The following CASP5 variants were observed in gnomAD, a reference collection of about 807,000 sequenced individuals.
CASP5 encodes caspase-5.
CASP5 carries 42 observed loss-of-function variants against 45.2 expected under a neutral mutation model. The observed-to-expected ratio is 0.93, with a 90% CI of 0.73 to 1.20. The LOEUF is 1.20. CASP5 is among the 50% of genes most tolerant of loss of function. The probability of loss-of-function intolerance (pLI) is 0.00; values close to 1 mark genes in which losing one functional copy is unlikely to be tolerated. For missense variants in CASP5, 512 were observed against 532.2 expected, an observed-to-expected ratio of 0.96 and a Z score of 0.37; for synonymous variants, 209 against 186.2, an observed-to-expected ratio of 1.12 and a Z score of -1.00.
intron 5 of CASP5, among the ~76,000 whole-genome samples, chr11:105,001,526 C>G (rs1299833335): frequency 6.6e-6 from 1 of 152,128 alleles, no homozygotes; most frequent in African/African-American, 2.4e-5. Context: ...ATTAGCCGGG[C>G]GTGGTGGCAC....
intron 1 of CASP5, among the ~76,000 whole-genome samples, chr11:105,012,085 C>T (rs978956079): frequency 1.3e-5 from 2 of 151,646 alleles, no homozygotes; most frequent in Non-Finnish European, 3.0e-5. Context: ...TAAAAGCAAA[C>T]ACAGAGATCA....
chr11:105,001,691 C>CAGAG (rs1861735236), intron 5 of CASP5, among the ~76,000 whole-genome samples: 8 of 152,154 alleles, frequency 5.3e-5, no homozygotes, highest in Admixed American at 4.6e-4. Context: ...GAGTGCCCTC[C>CAGAG]TGCCTAAAAC....
chr11:104,998,045 A>G (rs1306324630), intron 7 of CASP5, among the ~76,000 whole-genome samples: 2 of 152,178 alleles, frequency 1.3e-5, no homozygotes, highest in Non-Finnish European at 2.9e-5. Flanking sequence ...TTATATACTT[A>G]AAAATTTGCA....
Position 105,002,557 on chromosome 11 carries a change from G to A in CASP5, c.544-356C>T, listed in dbSNP as rs78420834. 1.8e-3 allele frequency among the ~76,000 whole-genome samples: 281 copies of A among 152,106 alleles called. 6 individuals are homozygous for A. In the East Asian group the frequency reaches 0.027, roughly 15 times the overall value. ...ATATAGCAAATTTTCTTTGCCTTCCGTATTATGATTATTTTGGTACTATTT... is the reference window on the plus strand; with the variant it reads ...ATATAGCAAATTTTCTTTGCCTTCCATATTATGATTATTTTGGTACTATTT... On this transcript the variant is annotated intron_variant, in intron 4 of 9. Transcript: ENST00000260315.
At chr11:105,017,441 C>T (rs1041406529) in intron 1 of CASP5, among the ~76,000 whole-genome samples, 1 of 151,764 alleles carries the variant, frequency 6.6e-6, no homozygotes, top group Admixed American at 6.6e-5. Flanking sequence ...CTAGAATAAC[C>T]AATACAGAGA....
rs1280046152 is a variant in CASP5 at position 105,016,518 on chromosome 11, T to G, written c.7+6612A>C. On this transcript the variant is annotated intron_variant, in intron 1 of 9. Coordinates refer to ENST00000260315, the MANE Select transcript of CASP5 (RefSeq NM_004347.5). ...CGGGAAGCGCAAGGGGTCAGGGAGT[T>G]CCCTTTCCTAGTCAAAGAAAGGGGT... is the stretch of plus-strand genomic sequence containing the variant. 6.6e-5 allele frequency among the ~76,000 whole-genome samples: 10 copies of G among 152,248 alleles called. No homozygotes were observed. The East Asian group carries it at 1.7e-3, about 27-fold the overall frequency.
intron 3 of CASP5, among the ~76,000 whole-genome samples, chr11:105,006,291 T>C (rs1861996917): frequency 6.6e-6 from 1 of 152,204 alleles, no homozygotes; most frequent in East Asian, 1.9e-4. Context: ...GCCCAAATAA[T>C]AATTAAGAAA....
chr11:105,000,445 G>A lies in CASP5; in HGVS notation c.768C>T (p.Ser256=). 1 of 1,614,148 alleles carries A rather than the reference G, an allele frequency of 6.2e-7. No individual in the cohort carries two copies. The highest frequency in any genetic ancestry group is 8.5e-7 in the Non-Finnish European group (1 of 1,180,014). The change falls in exon 6 of 10, where the codon TCC becomes TCT. Residue 256 remains serine (S), a synonymous_variant. Transcript: ENST00000260315. ...TGAGTACCAAGAACGTGCTGTCAGA[G>A]GACTTGTGCTCTGGTCTGGCAGCAA... ...RAFAARPEHK[S]SDSTFLVLMS...
chr11:105,020,841 G>A (rs963330571), intron 1 of CASP5, among the ~76,000 whole-genome samples: 5 of 151,878 alleles, frequency 3.3e-5, no homozygotes, highest in East Asian at 1.9e-4. Flanking sequence ...AAAAGAGCCC[G>A]CATTGCCACG....
intron 1 of CASP5, among the ~76,000 whole-genome samples, chr11:105,022,743 G>T (rs78294044): frequency 0.027 from 4,043 of 152,176 alleles, 159 homozygotes; most frequent in African/African-American, 0.091. Flanking sequence ...TCTCAGATCT[G>T]ATTGTGGGGA....
In CASP5 at chr11:105,007,264, A is replaced by G; in HGVS notation, c.252T>C (p.Phe84=). The change falls in exon 3 of 10, where the codon TTT becomes TTC. Residue 84 remains phenylalanine (F), a synonymous_variant. Coordinates refer to ENST00000260315, the MANE Select transcript of CASP5 (RefSeq NM_004347.5). ...GAACATCGTGTTTTGCCAAATAATT[A>G]AAAACACCATGAAGAACATCTTTGC... ...YLGKDVLHGV[F]NYLAKHDVLT... 1 of 1,612,066 alleles carries G rather than the reference A, an allele frequency of 6.2e-7. No individual in the cohort carries two copies. The highest frequency in any genetic ancestry group is 8.5e-7 in the Non-Finnish European group (1 of 1,179,426).
chr11:105,000,533 A>C, intron 5 of CASP5, 38 bp from the exon 6 acceptor site: 2 of 1,566,188 alleles, frequency 1.3e-6, no homozygotes, highest in Non-Finnish European at 1.8e-6. Flanking sequence ...TCAGAGAAGC[A>C]TCACAATTAA....
chr11:105,013,506 C>G (rs1862449826), intron 1 of CASP5, among the ~76,000 whole-genome samples: 1 of 151,866 alleles, frequency 6.6e-6, no homozygotes, highest in South Asian at 2.1e-4. Context: ...TCATTTTGTA[C>G]ATAAGTACAT....
chr11:105,001,869 A>T lies in CASP5; in HGVS notation c.717+159T>A, dbSNP rs1346149235. ...GAGACACTGATTTATGTGTTCAATA[A>T]TTTCATTTGCTAGTGCATGTGCGCA... On this transcript the variant is annotated intron_variant, in intron 5 of 9. Transcript: ENST00000260315. Among the ~76,000 whole-genome samples the T allele has an allele frequency of 1.3e-5, 2 of 152,000 alleles. 1 individual carries two copies. Among genetic ancestry groups the T allele is most frequent in the East Asian group, 3.9e-4 (2 of 5,182 alleles).
Position 104,998,866 on chromosome 11 carries a change from G to A in CASP5, c.1096+19C>T. On this transcript the variant is annotated intron_variant, in intron 7 of 9. Transcript: ENST00000260315. ...CCTCAGCACCCCCAAATTTTTGACTGTTACTAAAAGACACATACGTGGTGT... is the reference window on the plus strand; with the variant it reads ...CCTCAGCACCCCCAAATTTTTGACTATTACTAAAAGACACATACGTGGTGT... 2 of 1,606,458 alleles carry A rather than the reference G, an allele frequency of 1.2e-6. No homozygotes were observed. The highest frequency in any genetic ancestry group is 1.7e-6 in the Non-Finnish European group (2 of 1,177,038).
chr11:105,011,024 A>G (rs1862322843), intron 1 of CASP5, among the ~76,000 whole-genome samples: 1 of 151,770 alleles, frequency 6.6e-6, no homozygotes, highest in Non-Finnish European at 1.5e-5. Flanking sequence ...GAGAACACAG[A>G]TAAGATGCTT....
chr11:105,013,174 A>T (rs1862435867), intron 1 of CASP5, among the ~76,000 whole-genome samples: 1 of 152,050 alleles, frequency 6.6e-6, no homozygotes, highest in Non-Finnish European at 1.5e-5. Flanking sequence ...CTGGGCACCA[A>T]AAAACAAATA....
intron 1 of CASP5, among the ~76,000 whole-genome samples, chr11:105,009,402 C>T (rs1224413367): frequency 6.6e-6 from 1 of 151,594 alleles, no homozygotes; most frequent in African/African-American, 2.4e-5. Context: ...CTGTATTTAG[C>T]TTCCTTGGTG....
At chr11:105,002,263 C>CCTG in intron 4 of CASP5, 62 bp from the exon 5 acceptor site, 1 of 1,527,772 alleles carries the variant, frequency 6.5e-7, no homozygotes, top group South Asian at 1.2e-5. Context: ...CCCCATATGC[C>CCTG]TCACAATTTT....
Sources: gnomAD v4.1 joint callset for allele counts (sites outside exome capture counted in the v4.1 genomes callset) on GRCh38, gnomAD v4.1.1 for gene constraint, MANE v1.5 for transcripts, NCBI Gene and HGNC (gene_info 2026-07-23, HGNC 2026-07-21) for gene names.